Variants in CECR2 observed in about 807,000 individuals in gnomAD.
The protein encoded by CECR2 is CECR2 histone acetyl-lysine reader, also known as chromatin remodeling regulator CECR2.
In CECR2, 30 loss-of-function variants were observed where a neutral mutation model predicts 154.5. That is an observed-to-expected ratio of 0.19 (90% CI 0.15 to 0.26). The LOEUF (loss-of-function observed/expected upper bound fraction) is 0.26. Among genes scored for constraint, CECR2 ranks in the 10% least tolerant of loss-of-function variants. The probability of loss-of-function intolerance (pLI) is 1.00; values close to 1 mark genes in which losing one functional copy is unlikely to be tolerated. For synonymous variants in CECR2, 725 were observed against 683.7 expected (o/e 1.06, Z -0.94); for missense variants, 1,743 against 1,829.3 (o/e 0.95, Z 0.86).
At chr22:17,364,757 G>A (rs1323135242), upstream of CECR2, among the ~76,000 whole-genome samples, 1 of 152,202 alleles carries the variant, frequency 6.6e-6, no homozygotes, top group Non-Finnish European at 1.5e-5. Context: ...AACGCAGAAG[G>A]CAGAGGTTGC....
At chr22:17,509,843 C>T (rs190290143) in intron 7 of CECR2, among the ~76,000 whole-genome samples, 21 of 152,214 alleles carry the variant, frequency 1.4e-4, no homozygotes, top group Admixed American at 7.9e-4. Context: ...TAATGGATGA[C>T]GTTAATCCTT....
intron 2 of CECR2, among the ~76,000 whole-genome samples, chr22:17,486,480 G>T (rs1288759538): frequency 6.6e-6 from 1 of 152,218 alleles, no homozygotes; most frequent in Non-Finnish European, 1.5e-5. Flanking sequence ...ACATGCTAGT[G>T]TTCACTGTCA....
chr22:17,482,883 G>A (rs12170778), intron 2 of CECR2, among the ~76,000 whole-genome samples: 14,588 of 151,104 alleles, frequency 0.097, 730 homozygotes, highest in Middle Eastern at 0.17. Context: ...GAGTTTCACC[G>A]CATTAGCCAG....
At chr22:17,438,233 C>T (rs2054534496) in intron 1 of CECR2, among the ~76,000 whole-genome samples, 1 of 152,176 alleles carries the variant, frequency 6.6e-6, no homozygotes, top group Admixed American at 6.5e-5. Context: ...AAATGAGTCC[C>T]TTTCAACCTG....
chr22:17,461,409 G>A (rs549095612), intron 1 of CECR2, among the ~76,000 whole-genome samples: 40 of 152,220 alleles, frequency 2.6e-4, no homozygotes, highest in African/African-American at 8.9e-4. Context: ...CAAAGATGGT[G>A]GATGCCTCAG....
At chr22:17,398,310 A>G (rs1256892143) in intron 1 of CECR2, among the ~76,000 whole-genome samples, 1 of 152,100 alleles carries the variant, frequency 6.6e-6, no homozygotes, top group Middle Eastern at 3.2e-3. Context: ...TGGCTCAGTG[A>G]CTGCTCAGAT....
intron 9 of CECR2, among the ~76,000 whole-genome samples, chr22:17,531,807 G>A (rs919425345): frequency 6.6e-6 from 1 of 152,186 alleles, no homozygotes; most frequent in African/African-American, 2.4e-5. Context: ...TGTGGAAAAG[G>A]TGGATTACCC....
chr22:17,405,406 C>T (rs772142704), intron 1 of CECR2, among the ~76,000 whole-genome samples: 17 of 148,422 alleles, frequency 1.1e-4, no homozygotes, highest in Non-Finnish European at 1.6e-4. Flanking sequence ...GAGCGAAACT[C>T]CGTCTCAAAT....
At chr22:17,371,572 GT>G in intron 1 of CECR2, among the ~76,000 whole-genome samples, 1 of 152,312 alleles carries the variant, frequency 6.6e-6, no homozygotes, top group African/African-American at 2.4e-5. Context: ...GATGTCCTGT[GT>G]TTTCTTTCAG....
intron 2 of CECR2, among the ~76,000 whole-genome samples, chr22:17,490,145 T>TGTG (rs370040041): frequency 5.8e-4 from 55 of 94,452 alleles, no homozygotes; most frequent in East Asian, 1.4e-3. Context: ...ACTGTTTTTT[T>TGTG]TTTGTGTGTG....
chr22:17,429,708 T>G (rs1316951884), intron 1 of CECR2, among the ~76,000 whole-genome samples: 2 of 152,042 alleles, frequency 1.3e-5, no homozygotes, highest in African/African-American at 4.8e-5. Context: ...TCACAACCAT[T>G]TAGGTTGATG....
At chr22:17,365,137 T>TGG (rs2062995265), upstream of CECR2, among the ~76,000 whole-genome samples, 1 of 149,484 alleles carries the variant, frequency 6.7e-6, no homozygotes, top group African/African-American at 2.5e-5. Flanking sequence ...GGCAGGAGAA[T>TGG]TGCTTGAACC....
intron 1 of CECR2, among the ~76,000 whole-genome samples, chr22:17,379,403 C>T (rs1314093641): frequency 6.6e-6 from 1 of 152,156 alleles, no homozygotes; most frequent in Admixed American, 6.5e-5. Flanking sequence ...GGCCTGGCTG[C>T]CTAGTGCCGC....
At chr22:17,395,736 T>G (rs2053799198) in intron 1 of CECR2, among the ~76,000 whole-genome samples, 1 of 152,100 alleles carries the variant, frequency 6.6e-6, no homozygotes, top group African/African-American at 2.4e-5. Flanking sequence ...AGAAAAAAAA[T>G]TTTGTAATAT....
At chr22:17,373,566 G>C (rs2063084840) in intron 1 of CECR2, among the ~76,000 whole-genome samples, 1 of 152,180 alleles carries the variant, frequency 6.6e-6, no homozygotes, top group Admixed American at 6.6e-5. Context: ...TATGCCCGCA[G>C]TGTAATTGTT....
rs546732162 is a variant in CECR2 at position 17,498,216 on chromosome 22, C to T, written c.405+630C>T. ...CCATCCTGGCTAACACGGTGAAATC[C>T]CGTCTCCACTAAAAGTAAAAAAAAA... On this transcript the variant is annotated intron_variant, in intron 3 of 18. Transcript: ENST00000262608. Among the ~76,000 whole-genome samples, 6 of 152,194 alleles carry T rather than the reference C, an allele frequency of 3.9e-5. No homozygotes were observed. In the East Asian group the frequency reaches 7.7e-4, roughly 20 times the overall value.
intron 2 of CECR2, among the ~76,000 whole-genome samples, chr22:17,497,062 G>A (rs1189085734): frequency 1.3e-5 from 2 of 152,192 alleles, no homozygotes; most frequent in South Asian, 2.1e-4. Context: ...GGGAAGCCAA[G>A]GCGGGCGGAT....
intron 1 of CECR2, among the ~76,000 whole-genome samples, chr22:17,403,465 A>G (rs2053927725): frequency 6.6e-6 from 1 of 152,234 alleles, no homozygotes. Flanking sequence ...TTTAACTTCT[A>G]AAGAAACTGG....
chr22:17,439,767 C>T (rs1005385197), intron 1 of CECR2, among the ~76,000 whole-genome samples: 3 of 152,152 alleles, frequency 2.0e-5, no homozygotes, highest in Non-Finnish European at 4.4e-5. Flanking sequence ...TACAAAACAA[C>T]TGCCGTGCAA....
Sources: allele counts gnomAD v4.1 joint callset (sites outside exome capture counted in the v4.1 genomes callset), GRCh38; gene constraint gnomAD v4.1.1; transcripts MANE v1.5; gene names NCBI Gene and HGNC (gene_info 2026-07-23, HGNC 2026-07-21).